PHC3: variants seen among roughly 807,000 people sequenced by gnomAD.
PHC3 encodes the protein polyhomeotic homolog 3, also known as polyhomeotic-like protein 3.
In PHC3, 13 loss-of-function variants were observed where a neutral mutation model predicts 107.4. That is an observed-to-expected ratio of 0.12 (90% CI 0.08 to 0.19). PHC3 has a LOEUF of 0.19. Among genes scored for constraint, PHC3 ranks in the 10% least tolerant of loss-of-function variants. The probability of loss-of-function intolerance (pLI) is 1.00; values close to 1 mark genes in which losing one functional copy is unlikely to be tolerated. For synonymous variants in PHC3, 456 were observed against 427.4 expected, an observed-to-expected ratio of 1.07 and a Z score of -0.83; for missense variants, 992 against 1,210.9, an observed-to-expected ratio of 0.82 and a Z score of 2.68.
chr3:170,103,945 C>G (rs570951587), intron 12 of PHC3, among the ~76,000 whole-genome samples: 1 of 152,302 alleles, frequency 6.6e-6, no homozygotes, highest in South Asian at 2.1e-4. Flanking sequence ...TGGCACACAC[C>G]TGTAGTCCCA....
chr3:170,123,865 T>G (rs1470030366), intron 8 of PHC3, among the ~76,000 whole-genome samples: 2 of 152,062 alleles, frequency 1.3e-5, no homozygotes, highest in Non-Finnish European at 2.9e-5. Flanking sequence ...TACTTTTTTT[T>G]TTGACAGAGT....
intron 4 of PHC3, among the ~76,000 whole-genome samples, chr3:170,166,069 G>C (rs892763744): frequency 2.0e-5 from 3 of 151,756 alleles, no homozygotes; most frequent in African/African-American, 7.3e-5. Context: ...TTTTGAGATG[G>C]AGTCTTGCTC....
At chr3:170,127,525 G>A (rs1721525523) in intron 8 of PHC3, among the ~76,000 whole-genome samples, 1 of 152,060 alleles carries the variant, frequency 6.6e-6, no homozygotes, top group African/African-American at 2.4e-5. Flanking sequence ...TGCCTATTAA[G>A]ATCAGTAAGA....
At position 170,089,933 on chromosome 3, in the gene PHC3, A is replaced by G. The variant is rs1443310266; in HGVS notation, c.*7297T>C. The G allele has an allele frequency of 6.6e-6, 1 of 151,314 alleles. No individual in the cohort carries two copies. Among genetic ancestry groups the G allele is most frequent in the African/African-American group, 2.4e-5 (1 of 41,184 alleles). The allele number at this position is 151,314 out of a possible 1,614,324, so 9.4% of individuals were successfully genotyped here. On this transcript the variant is annotated 3_prime_UTR_variant, in exon 15 of 15. Transcript: ENST00000495893. The stretch of plus-strand genomic sequence containing the variant: ...CCATCTCAAAAAAAAAAAAAAGAAA[A>G]AAAAAAAAAAAGAAAGAAAGTTGCT...
At chr3:170,143,118 C>T (rs1270297004) in intron 6 of PHC3, among the ~76,000 whole-genome samples, 1 of 152,136 alleles carries the variant, frequency 6.6e-6, no homozygotes, top group Admixed American at 6.6e-5. Context: ...GTCAAGGCTA[C>T]AATGAGCCAT....
At chr3:170,168,355 T>C (rs1248900361) in intron 4 of PHC3, among the ~76,000 whole-genome samples, 1 of 152,274 alleles carries the variant, frequency 6.6e-6, no homozygotes, top group African/African-American at 2.4e-5. Flanking sequence ...AATTTTTAGT[T>C]GGTTTAACTT....
At chr3:170,146,535 C>CTTTTTTT (rs373420736) in intron 5 of PHC3, among the ~76,000 whole-genome samples, 9 of 123,510 alleles carry the variant, frequency 7.3e-5, no homozygotes, top group South Asian at 2.5e-4. Context: ...TTTTCTTTTT[C>CTTTTTTT]TTTTTTTTTT....
chr3:170,178,140 ATTTTTTTT>A (rs1205857388), intron 2 of PHC3, among the ~76,000 whole-genome samples: 2 of 137,586 alleles, frequency 1.5e-5, no homozygotes, highest in African/African-American at 2.7e-5. Context: ...CTAAAGGAAA[ATTTTTTTT>A]TTTTTTTTTT....
intron 4 of PHC3, among the ~76,000 whole-genome samples, chr3:170,157,959 T>C (rs1348625057): frequency 2.6e-5 from 4 of 151,994 alleles, no homozygotes; most frequent in African/African-American, 7.2e-5. Context: ...AAGAGAAAAG[T>C]AGTTTTTAAA....
intron 4 of PHC3, among the ~76,000 whole-genome samples, chr3:170,151,711 CAAAG>C (rs1726014545): frequency 6.6e-6 from 1 of 152,170 alleles, no homozygotes; most frequent in Non-Finnish European, 1.5e-5. Context: ...TGAGAAACAG[CAAAG>C]AAGCTTGCAT....
rs1338491614 is a variant in PHC3, at chr3:170,126,551, C to CT, written c.1788+2132dup. Among the ~76,000 whole-genome samples the CT allele has an allele frequency of 4.2e-4, 24 of 57,646 alleles. No individual in the cohort carries two copies. The East Asian group carries it at 8.5e-3, about 20-fold the overall frequency. 37.8% of individuals were successfully genotyped at this position (57,646 alleles called of 152,430 possible). A position where few individuals can be genotyped will look rare whatever the true frequency, so the allele number is the denominator to read the frequency against. On this transcript the variant is annotated intron_variant, in intron 8 of 14. Coordinates refer to ENST00000495893, the MANE Select transcript of PHC3 (RefSeq NM_024947.4). ...ATATTTTTTTTTTTTTTTCCTTTTT[C>CT]TTTTTTTTGAGACAGAGTCTCACTC...
chr3:170,130,369 T>C (rs932765828), intron 7 of PHC3, among the ~76,000 whole-genome samples: 1 of 152,130 alleles, frequency 6.6e-6, no homozygotes, highest in Admixed American at 6.6e-5. Flanking sequence ...CCCAAATGAG[T>C]TTCCATTTTT....
intron 5 of PHC3, chr3:170,148,215 G>A (rs973336305): frequency 6.6e-6 from 1 of 152,224 alleles, no homozygotes; most frequent in Non-Finnish European, 1.5e-5. Flanking sequence ...GTTGCAGTGA[G>A]CAGAGATCGT....
At chr3:170,158,306 T>G (rs1016901774) in intron 4 of PHC3, among the ~76,000 whole-genome samples, 6 of 152,130 alleles carry the variant, frequency 3.9e-5, no homozygotes, top group Admixed American at 6.6e-5. Flanking sequence ...CCAGGCATGG[T>G]GAGCCAAGAT....
intron 10 of PHC3, among the ~76,000 whole-genome samples, chr3:170,114,457 T>A (rs1223285076): frequency 6.6e-6 from 1 of 152,226 alleles, no homozygotes; most frequent in Non-Finnish European, 1.5e-5. Context: ...TTGGATGTAT[T>A]TTCTGGATAA....
At chr3:170,134,347 G>A (rs977583236) in intron 7 of PHC3, among the ~76,000 whole-genome samples, 6 of 151,802 alleles carry the variant, frequency 4.0e-5, no homozygotes, top group Admixed American at 6.6e-5. Flanking sequence ...CGGCCACTAC[G>A]CACGGCTAAT....
At chr3:170,130,102 G>C (rs1157670298) in intron 7 of PHC3, among the ~76,000 whole-genome samples, 2 of 152,148 alleles carry the variant, frequency 1.3e-5, no homozygotes, top group African/African-American at 4.8e-5. Context: ...TTAATAATCT[G>C]AATCTATACA....
At position 170,114,773 on chromosome 3, in the gene PHC3, C is replaced by T. The variant is rs544019023; in HGVS notation, c.2194-1254G>A. 8.5e-5 allele frequency among the ~76,000 whole-genome samples: 13 copies of T among 152,320 alleles called. No individual in the cohort carries two copies. The South Asian group carries it at 2.5e-3, about 29-fold the overall frequency. On this transcript the variant is annotated intron_variant, in intron 10 of 14. Coordinates refer to ENST00000495893, the MANE Select transcript of PHC3 (RefSeq NM_024947.4). ...AACAGAATGACTAGAACATCTTATT[C>T]CTCAAGAATGCTGGTTAAGTCTCCA...
chr3:170,115,875 T>TCACACACACA (rs1238887514), intron 10 of PHC3, among the ~76,000 whole-genome samples: 2 of 88,556 alleles, frequency 2.3e-5, no homozygotes, highest in African/African-American at 9.4e-5. Flanking sequence ...AATCCAAGTT[T>TCACACACACA]CTCACACACA....
Sources: gnomAD v4.1 joint callset for allele counts (sites outside exome capture counted in the v4.1 genomes callset) on GRCh38, gnomAD v4.1.1 for gene constraint, MANE v1.5 for transcripts, NCBI Gene and HGNC (gene_info 2026-07-23, HGNC 2026-07-21) for gene names.